The following ANK2 variants were observed in gnomAD, a reference collection of about 807,000 sequenced individuals.
ANK2 encodes the protein ankyrin-2.
Under a neutral mutation model 360.5 loss-of-function variants are expected in ANK2, and 83 were observed. The observed-to-expected ratio is 0.23, with a 90% confidence interval of 0.19 to 0.28. The LOEUF (loss-of-function observed/expected upper bound fraction) is 0.28. Ranked by LOEUF, ANK2 falls within the 10% of genes least tolerant of loss-of-function variation. ANK2 has a pLI of 1.00. For synonymous variants in ANK2, 1,740 were observed against 1,759.5 expected (o/e 0.99, Z 0.28); for missense variants, 4,201 against 4,795.7 (o/e 0.88, Z 3.66).
chr4:113,358,407 G>C lies in ANK2; in HGVS notation c.9789G>C (p.Arg3263Ser). ...QVQLDFSTLTRSVYSDRGDDS... is the reference protein window; with the variant it reads ...QVQLDFSTLTSSVYSDRGDDS... ...AGTTAGATTTTTCCACACTCACCAG[G>C]TCTGTTTATTCAGATAGGGGTGATG... The change falls in exon 38 of 46, where the codon AGG becomes AGC. Residue 3263 changes from arginine to serine, a missense_variant. Transcript: ENST00000357077. 6.2e-7 allele frequency: 1 copy of C among 1,614,026 alleles called. No individual in the cohort carries two copies.
At chr4:113,325,194 A>C (rs1451268965) in intron 26 of ANK2, among the ~76,000 whole-genome samples, 1 of 152,238 alleles carries the variant, frequency 6.6e-6, no homozygotes, top group Non-Finnish European at 1.5e-5. Context: ...TACAGTCTTA[A>C]GTCAATGTTT....
the ANK2 span, chr4:112,797,201 T>C: frequency 1.9e-5 from 3 of 158,792 alleles, no homozygotes; most frequent in Non-Finnish European, 4.3e-5. Context: ...CAAATCATCT[T>C]TGACTGCACT....
upstream of ANK2, among the ~76,000 whole-genome samples, chr4:113,044,924 G>C (rs536125953): frequency 1.5e-4 from 23 of 152,098 alleles, no homozygotes; most frequent in Non-Finnish European, 3.4e-4. Context: ...AAATGCTTTG[G>C]TGTCCCCTAT....
At chr4:112,869,180 A>G (rs1169363321) in intron 1 of ANK2, among the ~76,000 whole-genome samples, 1 of 152,180 alleles carries the variant, frequency 6.6e-6, no homozygotes, top group Non-Finnish European at 1.5e-5. Flanking sequence ...GTTGCCCAGA[A>G]TGGTCTCAAA....
intron 2 of ANK2, among the ~76,000 whole-genome samples, chr4:113,177,769 A>G (rs1472172432): frequency 1.3e-5 from 2 of 152,222 alleles, no homozygotes; most frequent in African/African-American, 2.4e-5. Flanking sequence ...TGAGAAGGCA[A>G]CATGATCTCA....
chr4:113,076,578 T>G (rs904039950), intron 1 of ANK2, among the ~76,000 whole-genome samples: 2 of 152,130 alleles, frequency 1.3e-5, no homozygotes, highest in African/African-American at 4.8e-5. Context: ...AGAGGATTAC[T>G]TGAGCCCGGG....
chr4:113,371,725 T>G (rs927720072), intron 43 of ANK2, among the ~76,000 whole-genome samples: 7 of 152,242 alleles, frequency 4.6e-5, no homozygotes, highest in Admixed American at 6.5e-5. Context: ...CTGATTATAT[T>G]TAAAATATAA....
intron 1 of ANK2, among the ~76,000 whole-genome samples, chr4:112,819,276 A>C (rs1405340265): frequency 6.6e-6 from 1 of 152,220 alleles, no homozygotes. Context: ...CACTTGATAG[A>C]GTTCTAGGTC....
rs72671596 is a variant in ANK2 at position 113,093,718 on chromosome 4, C to T, written c.84+43906C>T. On this transcript the variant is annotated intron_variant, in intron 1 of 45. Coordinates refer to ENST00000357077, the MANE Select transcript of ANK2 (RefSeq NM_001148.6). Reference sequence around the variant, plus strand: ...AAGCTTCAAATAAAAGTCAGCTTTCCTCTCCTCTTTATGTCATATGTTCAT... The same window carrying T: ...AAGCTTCAAATAAAAGTCAGCTTTCTTCTCCTCTTTATGTCATATGTTCAT... 5.0e-3 allele frequency among the ~76,000 whole-genome samples: 762 copies of T among 152,328 alleles called. 5 individuals carry two copies. The highest frequency in any genetic ancestry group is 8.8e-3 in the Non-Finnish European group (602 of 68,032).
rs752015185 is a variant in ANK2 at position 113,199,073 on chromosome 4, T to C, written c.348T>C (p.Leu116=). Residue 116 remains leucine (L), a synonymous_variant, in exon 4 of 46, where the codon CTT becomes CTC. Coordinates refer to ENST00000357077, the MANE Select transcript of ANK2 (RefSeq NM_001148.6). Reference sequence around the variant, plus strand: ...GACAAGCAGAAGTTGTCAAAGTTCTTGTTAAGGAAGGAGCCAATATTAATG... The same window carrying C: ...GACAAGCAGAAGTTGTCAAAGTTCTCGTTAAGGAAGGAGCCAATATTAATG... The part of the protein sequence containing the change: ...LAGQAEVVKV[L]VKEGANINAQ... 6.2e-7 allele frequency: 1 copy of C among 1,613,230 alleles called. No individual in the cohort carries two copies. The highest frequency in any genetic ancestry group is 1.3e-5 in the African/African-American group (1 of 74,902).
chr4:113,106,686 T>TTTTTG (rs1000587271), intron 1 of ANK2, among the ~76,000 whole-genome samples: 28 of 152,162 alleles, frequency 1.8e-4, no homozygotes, highest in African/African-American at 6.5e-4. Flanking sequence ...TGTTAGTTTG[T>TTTTTG]TTTTGTTTTG....
intron 1 of ANK2, among the ~76,000 whole-genome samples, chr4:113,099,783 T>A (rs1212207251): frequency 1.3e-5 from 2 of 151,868 alleles, no homozygotes; most frequent in Admixed American, 6.6e-5. Flanking sequence ...AACACATAGA[T>A]CAATGGAAAA....
intron 1 of ANK2, among the ~76,000 whole-genome samples, chr4:113,128,367 G>A (rs1014402622): frequency 6.6e-6 from 1 of 152,198 alleles, no homozygotes; most frequent in African/African-American, 2.4e-5. Flanking sequence ...AAGCACTTAT[G>A]TGCATAGTAA....
chr4:113,237,721 T>A lies in ANK2; in HGVS notation c.693+99T>A, dbSNP rs1397729476. On this transcript the variant is annotated intron_variant, in intron 7 of 45. Transcript: ENST00000357077. ...ACTAATTCATACTAATGATTAGAAG[T>A]TTGATTAATGGGAAATTAATTTGAA... 2.7e-6 allele frequency: 3 copies of A among 1,117,744 alleles called. No homozygotes were observed. The Admixed American group carries it at 5.2e-5, about 19-fold the overall frequency. 69.2% of individuals were successfully genotyped at this position (1,117,744 alleles called of 1,614,324 possible).
intron 1 of ANK2, among the ~76,000 whole-genome samples, chr4:113,132,224 A>G (rs578117132): frequency 6.6e-6 from 1 of 152,300 alleles, no homozygotes; most frequent in Admixed American, 6.5e-5. Context: ...GTATATGCAC[A>G]TATGTATATA....
chr4:112,887,582 A>G (rs2078770946), intron 1 of ANK2, among the ~76,000 whole-genome samples: 2 of 152,196 alleles, frequency 1.3e-5, no homozygotes, highest in South Asian at 2.1e-4. Flanking sequence ...CTGTTGTTTT[A>G]AAACCATATA....
chr4:113,300,510 G>C (rs1425548171), intron 22 of ANK2, among the ~76,000 whole-genome samples: 1 of 152,168 alleles, frequency 6.6e-6, no homozygotes, highest in Non-Finnish European at 1.5e-5. Context: ...CTCTCATGTG[G>C]GCAGATAAGC....
At chr4:113,345,577 A>C (rs1563931503) in intron 34 of ANK2, among the ~76,000 whole-genome samples, 2 of 152,190 alleles carry the variant, frequency 1.3e-5, no homozygotes, top group Non-Finnish European at 1.5e-5. Flanking sequence ...TTCTCACCAC[A>C]AAAAAGGGGG....
At chr4:113,304,609 A>T (rs1053442800) in intron 23 of ANK2, among the ~76,000 whole-genome samples, 22 of 152,310 alleles carry the variant, frequency 1.4e-4, no homozygotes, top group African/African-American at 5.3e-4. Flanking sequence ...GAGAAAAGTA[A>T]TTCTTTTGTT....
Sources: allele counts gnomAD v4.1 joint callset (sites outside exome capture counted in the v4.1 genomes callset), GRCh38; gene constraint gnomAD v4.1.1; transcripts MANE v1.5; gene names NCBI Gene and HGNC (gene_info 2026-07-23, HGNC 2026-07-21).